The following NRP1 variants were observed in gnomAD, a reference collection of about 807,000 sequenced individuals.
NRP1 encodes neuropilin 1.
Under a neutral mutation model 106.7 loss-of-function variants are expected in NRP1, and 35 were observed. That is an observed-to-expected ratio of 0.33 (90% CI 0.25 to 0.43). NRP1 has a LOEUF of 0.43. Ranked by LOEUF, NRP1 falls within the 20% of genes least tolerant of loss-of-function variation. The pLI is 1.00. For missense variants in NRP1, 1,024 were observed against 1,170.4 expected, an observed-to-expected ratio of 0.87 and a Z score of 1.83; for synonymous variants, 437 against 417.9, an observed-to-expected ratio of 1.05 and a Z score of -0.56.
At chr10:33,282,954 C>T (rs1379235149) in intron 2 of NRP1, among the ~76,000 whole-genome samples, 1 of 152,124 alleles carries the variant, frequency 6.6e-6, no homozygotes, top group South Asian at 2.1e-4. Flanking sequence ...CTATGTTGGC[C>T]AGGCTGATCT....
At chr10:33,302,336 C>T (rs1845859542) in intron 2 of NRP1, among the ~76,000 whole-genome samples, 1 of 152,200 alleles carries the variant, frequency 6.6e-6, no homozygotes. Flanking sequence ...CTGGTCTCAT[C>T]CTGTTTGGCC....
intron 3 of NRP1, among the ~76,000 whole-genome samples, chr10:33,266,990 C>A (rs1191710241): frequency 1.3e-5 from 2 of 152,128 alleles, no homozygotes; most frequent in African/African-American, 4.8e-5. Context: ...CAAGATCGTG[C>A]CACTGCACTC....
At chr10:33,205,389 C>T (rs1207535387) in intron 10 of NRP1, 1 of 152,190 alleles carries the variant, frequency 6.6e-6, no homozygotes, top group African/African-American at 2.4e-5. Flanking sequence ...ACTCTAACTT[C>T]CCAATGAGTC....
chr10:33,293,745 G>GCA (rs139283855), intron 2 of NRP1, among the ~76,000 whole-genome samples: 3 of 152,132 alleles, frequency 2.0e-5, no homozygotes, highest in Non-Finnish European at 4.4e-5. Flanking sequence ...TCGCGTGCAT[G>GCA]CACACACACA....
At chr10:33,217,152 T>G (rs540351611) in intron 8 of NRP1, among the ~76,000 whole-genome samples, 51 of 152,328 alleles carry the variant, frequency 3.3e-4, no homozygotes, top group Non-Finnish European at 6.2e-4. Context: ...AAGGCAATGT[T>G]TAGCTGGTAA....
intron 15 of NRP1, among the ~76,000 whole-genome samples, chr10:33,183,777 C>G (rs565950183): frequency 1.3e-5 from 2 of 152,296 alleles, no homozygotes; most frequent in Admixed American, 1.3e-4. Flanking sequence ...CATCCACACC[C>G]AGATGTTCAA....
chr10:33,285,255 A>C (rs1017076701), intron 2 of NRP1, among the ~76,000 whole-genome samples: 1 of 152,202 alleles, frequency 6.6e-6, no homozygotes, highest in African/African-American at 2.4e-5. Context: ...ACTTAGAGTT[A>C]AGGTGACCGC....
chr10:33,319,875 C>G (rs1359882956), intron 2 of NRP1, among the ~76,000 whole-genome samples: 2 of 151,700 alleles, frequency 1.3e-5, no homozygotes, highest in Non-Finnish European at 2.9e-5. Flanking sequence ...CCTGAGCCAC[C>G]GCGCCCGGCC....
chr10:33,257,636 C>CA (rs10707138), intron 4 of NRP1, among the ~76,000 whole-genome samples: 7 of 151,516 alleles, frequency 4.6e-5, no homozygotes, highest in South Asian at 2.1e-4. Flanking sequence ...GAAAAACACA[C>CA]AAAAAAAACA....
rs1198715278 is a variant in NRP1 at position 33,213,508 on chromosome 10, T to C, written c.1492A>G (p.Ile498Val). The change falls in exon 9 of 17, where the codon ATC becomes GTC. Residue 498 changes from isoleucine to valine, a missense_variant. By Grantham distance (29) the Ile-to-Val change is conservative (BLOSUM62 3). This residue lies in a region of NRP1 where 562 missense variants were observed against 620.3 expected (regional missense o/e 0.91). Transcript: ENST00000374867. Reference sequence around the variant, plus strand: ...CGGTGCTTCCCACCCTGAATGATGATGCCCCTCACGATCTTCTCCTCCCCC... The same window carrying C: ...CGGTGCTTCCCACCCTGAATGATGACGCCCCTCACGATCTTCTCCTCCCCC... The part of the protein sequence containing the change: ...DLGEEKIVRG[I>V]IIQGGKHREN... 6.2e-7 allele frequency: 1 copy of C among 1,614,104 alleles called. No individual in the cohort carries two copies. Among genetic ancestry groups the C allele is most frequent in the Non-Finnish European group, 8.5e-7 (1 of 1,180,022 alleles).
chr10:33,231,072 T>A (rs1840086238), intron 6 of NRP1, among the ~76,000 whole-genome samples: 1 of 152,210 alleles, frequency 6.6e-6, no homozygotes, highest in African/African-American at 2.4e-5. Flanking sequence ...TATAAGCCTT[T>A]TCTAGCTGCA....
intron 9 of NRP1, among the ~76,000 whole-genome samples, chr10:33,210,290 G>A (rs975137682): frequency 6.6e-6 from 1 of 150,916 alleles, no homozygotes; most frequent in Non-Finnish European, 1.5e-5. Context: ...ACATATTATT[G>A]TGAGGCCCAA....
chr10:33,316,455 G>A (rs762874665), intron 2 of NRP1, among the ~76,000 whole-genome samples: 39 of 152,282 alleles, frequency 2.6e-4, no homozygotes, highest in Admixed American at 5.9e-4. Flanking sequence ...AGTTCTCCAG[G>A]TGGTCAACAT....
chr10:33,250,798 G>A (rs540428827), intron 6 of NRP1, among the ~76,000 whole-genome samples: 17 of 152,250 alleles, frequency 1.1e-4, no homozygotes, highest in Admixed American at 7.2e-4. Flanking sequence ...AGGACAGATC[G>A]GGCCACATTC....
intron 15 of NRP1, among the ~76,000 whole-genome samples, chr10:33,185,297 G>A (rs1835927738): frequency 6.6e-6 from 1 of 152,204 alleles, no homozygotes; most frequent in African/African-American, 2.4e-5. Flanking sequence ...CCAGATGTCT[G>A]ACTTTCCACT....
chr10:33,282,620 T>C (rs1245148219), intron 2 of NRP1, among the ~76,000 whole-genome samples: 1 of 152,150 alleles, frequency 6.6e-6, no homozygotes, highest in Non-Finnish European at 1.5e-5. Context: ...GTCCTTTACC[T>C]TAAAATGACC....
chr10:33,265,968 T>C (rs775662935), intron 3 of NRP1, among the ~76,000 whole-genome samples: 22 of 152,106 alleles, frequency 1.4e-4, no homozygotes, highest in Non-Finnish European at 2.5e-4. Flanking sequence ...TTGGGGACCC[T>C]TTAGGATTTT....
intron 2 of NRP1, among the ~76,000 whole-genome samples, chr10:33,274,748 AGGT>A (rs761280847): frequency 8.5e-4 from 130 of 152,236 alleles, no homozygotes; most frequent in Non-Finnish European, 1.5e-3. Context: ...GGGGGATTTG[AGGT>A]GGTGGTGTCT....
At chr10:33,202,429 A>G (rs956501284) in intron 11 of NRP1, 52 of 530,322 alleles carry the variant, frequency 9.8e-5, no homozygotes, top group African/African-American at 9.4e-4. Context: ...ATCCCAACTT[A>G]AAAGCCGCAC....
Sources: gnomAD v4.1 joint callset for allele counts (sites outside exome capture counted in the v4.1 genomes callset) on GRCh38, gnomAD v4.1.1 for gene constraint, gnomAD v4.1.1 regional missense constraint, MANE v1.5 for transcripts, NCBI Gene and HGNC (gene_info 2026-07-23, HGNC 2026-07-21) for gene names.